Variants in SLC9A3 observed in about 807,000 individuals in gnomAD.
SLC9A3 encodes the protein solute carrier family 9 member A3, also known as sodium/hydrogen exchanger 3.
SLC9A3 carries 37 observed loss-of-function variants against 86.8 expected under a neutral mutation model. The ratio of observed to expected loss-of-function variants is 0.43; its 90% CI spans 0.33 to 0.56. SLC9A3 has a LOEUF of 0.56. SLC9A3 is among the 20% of genes least tolerant of loss of function. The probability of loss-of-function intolerance (pLI) is 0.06; values close to 1 mark genes in which losing one functional copy is unlikely to be tolerated. For missense variants in SLC9A3, 1,011 were observed against 1,171.9 expected (o/e 0.86, Z 2.00); for synonymous variants, 581 against 528.3 (o/e 1.10, Z -1.37).
In SLC9A3 at chr5:471,896, A is replaced by G. The variant is rs950746514; in HGVS notation, c.*1483T>C. On this transcript the variant is annotated 3_prime_UTR_variant, in exon 17 of 17. Coordinates refer to ENST00000264938, the MANE Select transcript of SLC9A3 (RefSeq NM_004174.4). ...CCCACCAGGGACTCAATGGGGACTC[A>G]ATGTGCAATATTCAGTCAACATAAA... 6.6e-6 allele frequency: 3 copies of G among 456,530 alleles called. No homozygotes were observed. The highest frequency in any genetic ancestry group is 6.0e-5 in the African/African-American group (3 of 50,078). The allele number at this position is 456,530 out of a possible 1,614,324, so 28.3% of individuals were successfully genotyped here. A position where few individuals can be genotyped will look rare whatever the true frequency, so the allele number is the denominator to read the frequency against.
Position 472,956 on chromosome 5 carries a change from C to T in SLC9A3, c.*423G>A. The T allele has an allele frequency of 1.9e-6, 1 of 525,378 alleles. No individual in the cohort carries two copies. The highest frequency in any genetic ancestry group is 3.4e-6 in the Non-Finnish European group (1 of 297,820). The allele number at this position is 525,378 out of a possible 1,614,324, so 32.5% of individuals were successfully genotyped here. ...GCCATGGCGCGCGGACCCTTCCCGC[C>T]GGCGGCGTCACAGCGGCGTCTCCTC... On this transcript the variant is annotated 3_prime_UTR_variant, in exon 17 of 17. Transcript: ENST00000264938.
chr5:482,873 T>G, intron 6 of SLC9A3, 123 bp from the exon 7 acceptor site: 1 of 746,768 alleles, frequency 1.3e-6, no homozygotes, highest in South Asian at 1.8e-5. Context: ...GCACCCTAGA[T>G]ACGGCGTCCC....
intron 1 of SLC9A3, among the ~76,000 whole-genome samples, chr5:507,077 A>AAAAT (rs78074475): frequency 0.19 from 23,905 of 126,446 alleles, 2,440 homozygotes; most frequent in Non-Finnish European, 0.23. Flanking sequence ...ACTGTCTCAA[A>AAAAT]AAATAAATAA....
chr5:504,602 C>G (rs559643020), intron 1 of SLC9A3, among the ~76,000 whole-genome samples: 1 of 152,228 alleles, frequency 6.6e-6, no homozygotes, highest in South Asian at 2.1e-4. Flanking sequence ...CTGTCACCCC[C>G]GGGTGAGCCC....
intron 1 of SLC9A3, among the ~76,000 whole-genome samples, chr5:495,395 G>C: frequency 6.9e-6 from 1 of 144,726 alleles, no homozygotes; most frequent in South Asian, 2.2e-4. Context: ...CGCCATCGCC[G>C]ACCCTCCCCA....
Position 485,118 on chromosome 5 carries a change from C to A in SLC9A3, c.754+35G>T. 3 of 1,526,120 alleles carry A rather than the reference C, an allele frequency of 2.0e-6. 1 individual carries two copies. Among genetic ancestry groups the A allele is most frequent in the Non-Finnish European group, 2.7e-6 (3 of 1,099,204 alleles). 94.5% of individuals were successfully genotyped at this position (1,526,120 alleles called of 1,614,324 possible). On this transcript the variant is annotated intron_variant, in intron 4 of 16. Coordinates refer to ENST00000264938, the MANE Select transcript of SLC9A3 (RefSeq NM_004174.4). ...AAGACAGTTGGCCCCAGAGGAGACA[C>A]GGCCGCCCACTCCCCCTGACCCACA...
At chr5:524,091 G>A (rs1579837584) in intron 1 of SLC9A3, 21 bp downstream of exon 1, 2 of 1,460,714 alleles carry the variant, frequency 1.4e-6, no homozygotes, top group African/African-American at 1.5e-5. Flanking sequence ...GGGCAGATCC[G>A]GAGACCCCGG....
At chr5:520,238 C>G (rs1054971260) in intron 1 of SLC9A3, among the ~76,000 whole-genome samples, 1 of 152,224 alleles carries the variant, frequency 6.6e-6, no homozygotes. Flanking sequence ...CACGGCCAGA[C>G]GCCTGGGGAC....
At chr5:483,553 C>A in intron 5 of SLC9A3, 71 bp from the exon 6 acceptor site, 1 of 1,108,544 alleles carries the variant, frequency 9.0e-7, no homozygotes, top group South Asian at 1.3e-5. Flanking sequence ...TCCGCCCAGC[C>A]CCCCACGGCC....
intron 1 of SLC9A3, among the ~76,000 whole-genome samples, chr5:499,472 T>C (rs1311284057): frequency 6.6e-6 from 1 of 152,252 alleles, no homozygotes; most frequent in Non-Finnish European, 1.5e-5. Context: ...GGTTAGGGCC[T>C]GTTCCACAGA....
At chr5:477,500 C>T in intron 10 of SLC9A3, 56 bp from the exon 11 acceptor site, 1 of 1,299,494 alleles carries the variant, frequency 7.7e-7, no homozygotes, top group South Asian at 1.3e-5. Flanking sequence ...CTAGCTGCTG[C>T]CATTGTGTGC....
rs61127423 is a variant in SLC9A3, at chr5:482,043, C to CG, written c.1446+24_1446+25insC. The CG allele has an allele frequency of 1.7e-5, 10 of 588,138 alleles. No individual in the cohort carries two copies. In the Admixed American group the frequency reaches 2.2e-4, roughly 13 times the overall value. 36.4% of individuals were successfully genotyped at this position (588,138 alleles called of 1,614,324 possible). A position where few individuals can be genotyped will look rare whatever the true frequency, so the allele number is the denominator to read the frequency against. ...CCCCGAGGAACACGCAGTGCCCCCC[C>CG]CCCGCCCCCCAGCCCCGCACTTACG... is the stretch of plus-strand genomic sequence containing the variant. On this transcript the variant is annotated intron_variant, in intron 8 of 16. Transcript: ENST00000264938.
intron 3 of SLC9A3, among the ~76,000 whole-genome samples, chr5:486,583 C>A (rs1434827616): frequency 2.0e-5 from 3 of 152,168 alleles, no homozygotes; most frequent in Non-Finnish European, 4.4e-5. Context: ...GCCGTTAGCA[C>A]CAGTTCAGTT....
intron 15 of SLC9A3, 149 bp downstream of exon 15, chr5:475,412 A>G (rs554568431): frequency 1.6e-6 from 1 of 626,998 alleles, no homozygotes; most frequent in South Asian, 1.9e-5. Flanking sequence ...TTGAGGGGGC[A>G]CTCAGTGGGT....
At chr5:514,236 G>C (rs12109483) in intron 1 of SLC9A3, among the ~76,000 whole-genome samples, 1 of 152,314 alleles carries the variant, frequency 6.6e-6, no homozygotes, top group Admixed American at 6.5e-5. Flanking sequence ...TCGGGGAGGC[G>C]TGCTCAGGCA....
chr5:472,362 C>A lies in SLC9A3; in HGVS notation c.*1017G>T. The A allele has an allele frequency of 3.0e-6, 1 of 334,762 alleles. No homozygotes were observed. The highest frequency in any genetic ancestry group is 5.8e-6 in the Non-Finnish European group (1 of 171,608). The allele number at this position is 334,762 out of a possible 1,614,324, so 20.7% of individuals were successfully genotyped here. A position where few individuals can be genotyped will look rare whatever the true frequency, so the allele number is the denominator to read the frequency against. Reference sequence around the variant, plus strand: ...TAGGGGGGCGGTGCCCTGGGCCCCTCCATGCCCCCTGGTTTGTTAAGGGGG... The same window carrying A: ...TAGGGGGGCGGTGCCCTGGGCCCCTACATGCCCCCTGGTTTGTTAAGGGGG... On this transcript the variant is annotated 3_prime_UTR_variant, in exon 17 of 17. Coordinates refer to ENST00000264938, the MANE Select transcript of SLC9A3 (RefSeq NM_004174.4).
chr5:484,828 G>T, intron 4 of SLC9A3, 131 bp from the exon 5 acceptor site: 1 of 850,402 alleles, frequency 1.2e-6, no homozygotes, highest in Non-Finnish European at 1.8e-6. Flanking sequence ...CTTGGAGATC[G>T]GGCCTGGTCT....
At chr5:485,127 A>G (rs1739402417) in intron 4 of SLC9A3, 26 bp downstream of exon 4, 3 of 1,576,770 alleles carry the variant, frequency 1.9e-6, no homozygotes, top group Non-Finnish European at 1.7e-6. Context: ...ACGGCCGCCC[A>G]CTCCCCCTGA....
chr5:482,841 C>T, intron 6 of SLC9A3, 91 bp from the exon 7 acceptor site: 1 of 1,018,162 alleles, frequency 9.8e-7, no homozygotes, highest in Non-Finnish European at 1.4e-6. Flanking sequence ...GGCGGCCAAG[C>T]ATGTGCTGAC....
Sources: gnomAD v4.1 joint callset for allele counts (sites outside exome capture counted in the v4.1 genomes callset) on GRCh38, gnomAD v4.1.1 for gene constraint, MANE v1.5 for transcripts, NCBI Gene and HGNC (gene_info 2026-07-23, HGNC 2026-07-21) for gene names.